BNC2: variants seen among roughly 807,000 people sequenced by gnomAD.
BNC2 encodes the protein zinc finger protein basonuclin-2.
BNC2 carries 20 observed loss-of-function variants against 76.3 expected under a neutral mutation model. The ratio of observed to expected loss-of-function variants is 0.26; its 90% CI spans 0.18 to 0.38. BNC2 has a LOEUF of 0.38. BNC2 is among the 10% of genes least tolerant of loss of function. The pLI is 1.00. For missense variants in BNC2, 1,382 were observed against 1,399.8 expected (o/e 0.99, Z 0.20); for synonymous variants, 582 against 514.8 (o/e 1.13, Z -1.77).
chr9:16,522,614 T>G (rs1817653316), intron 5 of BNC2, among the ~76,000 whole-genome samples: 1 of 152,170 alleles, frequency 6.6e-6, no homozygotes, highest in African/African-American at 2.4e-5. Context: ...CCAAGAGGCC[T>G]GAAGGTCATT....
At chr9:16,763,937 C>G (rs1254382629) in intron 1 of BNC2, among the ~76,000 whole-genome samples, 5 of 152,148 alleles carry the variant, frequency 3.3e-5, no homozygotes, top group Non-Finnish European at 1.5e-5. Flanking sequence ...TCACTCCCTA[C>G]CGGAAGACTA....
chr9:16,846,731 A>T (rs974831949), intron 1 of BNC2, among the ~76,000 whole-genome samples: 1 of 152,260 alleles, frequency 6.6e-6, no homozygotes, highest in Non-Finnish European at 1.5e-5. Flanking sequence ...TTTACAAAAG[A>T]AGCCCCAAAT....
intron 6 of BNC2, chr9:16,435,082 A>G: frequency 2.1e-6 from 1 of 471,462 alleles, no homozygotes; most frequent in African/African-American, 2.0e-5. Flanking sequence ...GGTTCTTTCC[A>G]TCCGTAAATT....
At chr9:16,431,578 G>A (rs1020036435) in intron 6 of BNC2, 13 of 340,132 alleles carry the variant, frequency 3.8e-5, no homozygotes, top group African/African-American at 2.6e-4. Context: ...CAGATCAAGG[G>A]ATAAACAAGA....
intron 5 of BNC2, among the ~76,000 whole-genome samples, chr9:16,549,073 T>A (rs1274820940): frequency 6.6e-6 from 1 of 152,206 alleles, no homozygotes; most frequent in Admixed American, 6.5e-5. Flanking sequence ...TTTCTAATAA[T>A]AACCTCTTAA....
chr9:16,649,390 A>C (rs1821729866), intron 3 of BNC2, among the ~76,000 whole-genome samples: 1 of 152,192 alleles, frequency 6.6e-6, no homozygotes, highest in Admixed American at 6.5e-5. Context: ...CTTATAAATC[A>C]CAAGGGAGAA....
At chr9:16,698,719 C>G (rs1046383969) in intron 3 of BNC2, among the ~76,000 whole-genome samples, 13 of 151,994 alleles carry the variant, frequency 8.6e-5, no homozygotes, top group Admixed American at 2.0e-4. Flanking sequence ...TGATGAATAC[C>G]TATATTTACG....
chr9:16,646,339 C>T lies in BNC2; in HGVS notation c.331-63254G>A, dbSNP rs117954741. Among the ~76,000 whole-genome samples the T allele has an allele frequency of 2.7e-4, 41 of 152,282 alleles. No homozygotes were observed. In the East Asian group the frequency reaches 7.9e-3, roughly 29 times the overall value. On this transcript the variant is annotated intron_variant, in intron 3 of 6. Coordinates refer to ENST00000380672, the MANE Select transcript of BNC2 (RefSeq NM_017637.6). ...AAGAGTTGCTGCAATTTTAAGATGT[C>T]TCCACTATATAGAAACAACTCATAA... is the stretch of plus-strand genomic sequence containing the variant.
intron 5 of BNC2, among the ~76,000 whole-genome samples, chr9:16,461,307 C>A (rs74710790): frequency 6.6e-6 from 1 of 152,066 alleles, no homozygotes; most frequent in Admixed American, 6.5e-5. Flanking sequence ...AGAAACCAGG[C>A]GCTTCCATGT....
chr9:16,439,077 C>A (rs117603889), intron 5 of BNC2, among the ~76,000 whole-genome samples: 1 of 152,172 alleles, frequency 6.6e-6, no homozygotes, highest in African/African-American at 2.4e-5. Context: ...AATTCCCCTG[C>A]GCATGCTCTT....
intron 5 of BNC2, among the ~76,000 whole-genome samples, chr9:16,529,120 G>T (rs181635494): frequency 1.6e-4 from 25 of 152,236 alleles, no homozygotes; most frequent in African/African-American, 6.0e-4. Context: ...GGATACACAG[G>T]ATGGTAGTTA....
At chr9:16,507,576 G>A (rs372730676) in intron 5 of BNC2, among the ~76,000 whole-genome samples, 6 of 152,018 alleles carry the variant, frequency 3.9e-5, no homozygotes, top group Admixed American at 1.3e-4. Flanking sequence ...CTACAGGCAC[G>A]CACCACCATG....
intron 4 of BNC2, chr9:16,575,471 C>A (rs1279855839): frequency 2.0e-6 from 2 of 984,028 alleles, no homozygotes; most frequent in African/African-American, 3.5e-5. Flanking sequence ...GAAGGGGAGG[C>A]ACTGTTTGCG....
chr9:16,855,420 T>C (rs964442471), intron 1 of BNC2, among the ~76,000 whole-genome samples: 2 of 152,210 alleles, frequency 1.3e-5, no homozygotes, highest in African/African-American at 2.4e-5. Flanking sequence ...GCTTGTTAAA[T>C]TGTTGTATTC....
intron 3 of BNC2, among the ~76,000 whole-genome samples, chr9:16,663,261 C>G (rs1394575924): frequency 6.6e-6 from 1 of 151,686 alleles, no homozygotes; most frequent in Admixed American, 6.6e-5. Flanking sequence ...GCCCGAGTAG[C>G]TGGGCTGATT....
intron 3 of BNC2, among the ~76,000 whole-genome samples, chr9:16,647,218 C>T (rs1265822790): frequency 6.6e-6 from 1 of 152,152 alleles, no homozygotes; most frequent in East Asian, 1.9e-4. Context: ...ATTAACTCCA[C>T]TCTTTGTTGC....
intron 2 of BNC2, among the ~76,000 whole-genome samples, chr9:16,733,525 CA>C (rs1174514011): frequency 5.9e-5 from 9 of 151,548 alleles, no homozygotes; most frequent in Admixed American, 3.3e-4. Context: ...GATGGAAAGA[CA>C]GTAAAAAGTT....
intron 1 of BNC2, among the ~76,000 whole-genome samples, chr9:16,782,877 T>C (rs1826192749): frequency 6.6e-6 from 1 of 152,210 alleles, no homozygotes; most frequent in African/African-American, 2.4e-5. Flanking sequence ...AATGTATTAA[T>C]GAATGAGTGA....
At chr9:16,618,187 C>T (rs1820765508) in intron 3 of BNC2, among the ~76,000 whole-genome samples, 1 of 152,188 alleles carries the variant, frequency 6.6e-6, no homozygotes, top group Non-Finnish European at 1.5e-5. Context: ...GTTGGCTACA[C>T]TGGCTCTGTG....
Sources: gnomAD v4.1 joint callset for allele counts (sites outside exome capture counted in the v4.1 genomes callset) on GRCh38, gnomAD v4.1.1 for gene constraint, MANE v1.5 for transcripts, NCBI Gene and HGNC (gene_info 2026-07-23, HGNC 2026-07-21) for gene names.